TRERF1: variants seen among roughly 807,000 people sequenced by gnomAD.
The protein encoded by TRERF1 is transcriptional-regulating factor 1.
A neutral mutation model predicts 122.9 loss-of-function variants in TRERF1; 27 were observed. The ratio of observed to expected loss-of-function variants is 0.22; its 90% CI spans 0.16 to 0.30. TRERF1 has a LOEUF of 0.30. Ranked by LOEUF, TRERF1 falls within the 10% of genes least tolerant of loss-of-function variation. The pLI is 1.00. For synonymous variants in TRERF1, 636 were observed against 641.7 expected, an observed-to-expected ratio of 0.99 and a Z score of 0.13; for missense variants, 1,248 against 1,560.3, an observed-to-expected ratio of 0.80 and a Z score of 3.37.
At chr6:42,244,399 G>T (rs892329406) in intron 14 of TRERF1, among the ~76,000 whole-genome samples, 16 of 151,994 alleles carry the variant, frequency 1.1e-4, no homozygotes, top group Admixed American at 5.2e-4. Context: ...GGTCAGGCTG[G>T]TCTCGAACTC....
At chr6:42,414,461 A>G (rs933291246) in intron 2 of TRERF1, among the ~76,000 whole-genome samples, 15 of 152,332 alleles carry the variant, frequency 9.8e-5, no homozygotes, top group African/African-American at 3.6e-4. Flanking sequence ...TCTTTTTTCA[A>G]AAATAGTGTC....
intron 3 of TRERF1, among the ~76,000 whole-genome samples, chr6:42,307,586 G>C (rs1465317186): frequency 6.6e-6 from 1 of 152,082 alleles, no homozygotes; most frequent in Non-Finnish European, 1.5e-5. Flanking sequence ...GGGGACACCA[G>C]GGGGTGGGTC....
chr6:42,234,678 C>T (rs908311915), intron 16 of TRERF1, among the ~76,000 whole-genome samples: 23 of 152,254 alleles, frequency 1.5e-4, no homozygotes, highest in Non-Finnish European at 3.2e-4. Flanking sequence ...AAAAACCTAT[C>T]GCTGACTTAG....
chr6:42,335,538 TG>T (rs1765991398), intron 3 of TRERF1, among the ~76,000 whole-genome samples: 1 of 152,238 alleles, frequency 6.6e-6, no homozygotes, highest in African/African-American at 2.4e-5. Context: ...TGTCTGTGCT[TG>T]GCAGGGTTAG....
intron 3 of TRERF1, among the ~76,000 whole-genome samples, chr6:42,330,310 A>G (rs1765033593): frequency 6.6e-6 from 1 of 152,226 alleles, no homozygotes; most frequent in Non-Finnish European, 1.5e-5. Context: ...AATGTGGAGG[A>G]AACATGTATG....
rs1489008752 is a variant in TRERF1, at chr6:42,302,910, A to T, written c.-370-2161T>A. ...CTTGGAACTGCTTGTCTTATGGGCA[A>T]GAGTTTGTCTTAGACAACATATGGC... On this transcript the variant is annotated intron_variant, in intron 3 of 17. Transcript: ENST00000372922. Among the ~76,000 whole-genome samples, 5 of 152,354 alleles carry T rather than the reference A, an allele frequency of 3.3e-5. No homozygotes were observed. The East Asian group carries it at 9.6e-4, about 29-fold the overall frequency.
intron 2 of TRERF1, among the ~76,000 whole-genome samples, chr6:42,373,251 G>A (rs1774104617): frequency 6.6e-6 from 1 of 152,232 alleles, no homozygotes; most frequent in African/African-American, 2.4e-5. Context: ...AAGGGGAAGA[G>A]GCTGGGTGCG....
intron 3 of TRERF1, among the ~76,000 whole-genome samples, chr6:42,319,136 G>A (rs1467562461): frequency 2.2e-5 from 3 of 137,032 alleles, no homozygotes; most frequent in African/African-American, 8.9e-5. Flanking sequence ...CCCTCCTAAG[G>A]GGACTTTTTA....
chr6:42,285,602 T>C (rs1393743383), intron 4 of TRERF1, among the ~76,000 whole-genome samples: 2 of 150,632 alleles, frequency 1.3e-5, no homozygotes, highest in Non-Finnish European at 3.0e-5. Context: ...CCATTCAGTA[T>C]GATATTGGCT....
intron 2 of TRERF1, among the ~76,000 whole-genome samples, chr6:42,411,139 G>A (rs1781040238): frequency 6.6e-6 from 1 of 152,222 alleles, no homozygotes; most frequent in African/African-American, 2.4e-5. Flanking sequence ...ATCTATTGAA[G>A]GTTACTAAGG....
rs761084723 is a variant in TRERF1 at position 42,228,531 on chromosome 6, C to A, written c.3417G>T (p.Val1139=). 4 of 1,614,096 alleles carry A rather than the reference C, an allele frequency of 2.5e-6. No homozygotes were observed. Among genetic ancestry groups the A allele is most frequent in the Admixed American group, 1.7e-5 (1 of 60,008 alleles). Residue 1139 remains valine, a synonymous_variant, in exon 18 of 18, where the codon GTG becomes GTT. Transcript: ENST00000372922. The surrounding 1 kb of genome is among the most constrained non-coding windows in gnomAD (Gnocchi z 4.2). ...CCAGGGGCAGCAGCCCCGGCGCCCC[C>A]ACGGGCCCCGTAGTCCTCTCAATCG... is the stretch of plus-strand genomic sequence containing the variant.
At chr6:42,329,576 G>A (rs1764882936) in intron 3 of TRERF1, among the ~76,000 whole-genome samples, 1 of 152,162 alleles carries the variant, frequency 6.6e-6, no homozygotes, top group Non-Finnish European at 1.5e-5. Flanking sequence ...AGTCACAGAT[G>A]CATTTGCAGC....
chr6:42,403,447 T>C (rs1030680739), intron 2 of TRERF1, among the ~76,000 whole-genome samples: 2 of 152,048 alleles, frequency 1.3e-5, no homozygotes, highest in Admixed American at 6.6e-5. Context: ...AGACAGGGAT[T>C]GCAGTGATGT....
chr6:42,270,924 C>T (rs868718119), intron 4 of TRERF1, among the ~76,000 whole-genome samples: 5 of 151,674 alleles, frequency 3.3e-5, no homozygotes, highest in South Asian at 2.1e-4. Context: ...AGGTGCCCGC[C>T]GCCAAGCCCA....
chr6:42,334,132 C>G (rs936551402), intron 3 of TRERF1, among the ~76,000 whole-genome samples: 11 of 152,036 alleles, frequency 7.2e-5, no homozygotes, highest in African/African-American at 2.4e-4. Context: ...ATAAGCCACC[C>G]TCATGGGACA....
intron 13 of TRERF1, among the ~76,000 whole-genome samples, chr6:42,253,980 T>C (rs138592983): frequency 2.4e-4 from 36 of 152,280 alleles, no homozygotes; most frequent in Non-Finnish European, 4.6e-4. Context: ...AAGAACCAAC[T>C]TAGGTTTGTG....
intron 4 of TRERF1, among the ~76,000 whole-genome samples, chr6:42,278,068 G>C (rs1046967077): frequency 1.3e-5 from 2 of 152,136 alleles, no homozygotes; most frequent in Non-Finnish European, 2.9e-5. Flanking sequence ...TTCAGTCATG[G>C]CTTTCTCTAC....
At chr6:42,345,486 A>G (rs1768101165) in intron 3 of TRERF1, among the ~76,000 whole-genome samples, 1 of 152,238 alleles carries the variant, frequency 6.6e-6, no homozygotes, top group Non-Finnish European at 1.5e-5. Context: ...TGAGGTTTAC[A>G]CAGGCCTAGG....
chr6:42,392,363 T>C (rs1471061213), intron 2 of TRERF1, among the ~76,000 whole-genome samples: 2 of 152,156 alleles, frequency 1.3e-5, no homozygotes, highest in African/African-American at 2.4e-5. Context: ...ACTGGAGTGA[T>C]CATTAAACAA....
Sources: allele counts gnomAD v4.1 joint callset (sites outside exome capture counted in the v4.1 genomes callset), GRCh38; gene constraint gnomAD v4.1.1; non-coding constraint Gnocchi (gnomAD v3.1); transcripts MANE v1.5; gene names NCBI Gene and HGNC (gene_info 2026-07-23, HGNC 2026-07-21).